CCDC39: variants seen among roughly 807,000 people sequenced by gnomAD.
The protein encoded by CCDC39 is coiled-coil domain 39 molecular ruler complex subunit.
In CCDC39, 113 loss-of-function variants were observed where a neutral mutation model predicts 121.0. That is an observed-to-expected ratio of 0.93 (90% CI 0.80 to 1.09). The LOEUF (loss-of-function observed/expected upper bound fraction) is 1.09, where lower values mean the gene tolerates loss of function less well. Among genes scored for constraint, CCDC39 ranks in the 50% least tolerant of loss-of-function variants. CCDC39 has a pLI of 0.00. For missense variants in CCDC39, 1,063 were observed against 1,074.7 expected, an observed-to-expected ratio of 0.99 and a Z score of 0.15; for synonymous variants, 349 against 352.2, an observed-to-expected ratio of 0.99 and a Z score of 0.10.
chr3:180,658,307 G>C (rs1177677952), intron 6 of CCDC39, among the ~76,000 whole-genome samples: 2 of 143,226 alleles, frequency 1.4e-5, no homozygotes, highest in Non-Finnish European at 3.0e-5. Context: ...AGAATTAAGA[G>C]AACCTCTGCC....
chr3:180,650,130 G>A (rs554022055), intron 9 of CCDC39, among the ~76,000 whole-genome samples: 19 of 152,222 alleles, frequency 1.2e-4, no homozygotes, highest in African/African-American at 4.1e-4. Flanking sequence ...GTAGAGTCAG[G>A]TCACACTTAT....
intron 7 of CCDC39, among the ~76,000 whole-genome samples, chr3:180,654,356 A>C (rs1256154228): frequency 6.6e-6 from 1 of 151,844 alleles, no homozygotes; most frequent in Non-Finnish European, 1.5e-5. Flanking sequence ...AAAACACAGG[A>C]GAAAAGCTCC....
chr3:180,615,553 T>C (rs1361614513), intron 19 of CCDC39, among the ~76,000 whole-genome samples: 1 of 152,114 alleles, frequency 6.6e-6, no homozygotes, highest in African/African-American at 2.4e-5. Context: ...TAAATATATA[T>C]TTTATGAAAG....
chr3:180,660,830 A>C (rs527653213), intron 3 of CCDC39, 102 bp from the exon 4 acceptor site: 2 of 982,276 alleles, frequency 2.0e-6, no homozygotes, highest in East Asian at 5.4e-5. Flanking sequence ...CAAAATTAAA[A>C]ATGAGGAAAT....
intron 12 of CCDC39, among the ~76,000 whole-genome samples, chr3:180,642,651 C>G (rs1717982961): frequency 6.6e-6 from 1 of 151,914 alleles, no homozygotes; most frequent in Non-Finnish European, 1.5e-5. Context: ...AAAAAACACT[C>G]CAGGATATAA....
chr3:180,673,517 T>A (rs1313157565), intron 1 of CCDC39, among the ~76,000 whole-genome samples: 1 of 152,180 alleles, frequency 6.6e-6, no homozygotes, highest in Non-Finnish European at 1.5e-5. Context: ...TCAATTAAGG[T>A]ATGCACACGT....
intron 9 of CCDC39, 70 bp downstream of exon 9, chr3:180,651,331 C>A: frequency 7.8e-7 from 1 of 1,284,918 alleles, no homozygotes; most frequent in Non-Finnish European, 1.1e-6. Context: ...TCCTCTGATC[C>A]TAGGAGTCTA....
intron 19 of CCDC39, 139 bp downstream of exon 19, chr3:180,616,142 T>G: frequency 4.4e-5 from 31 of 702,102 alleles, no homozygotes; most frequent in Non-Finnish European, 6.2e-5. Flanking sequence ...TGCTGACTAG[T>G]GAGATGTCTG....
At chr3:180,651,851 C>A (rs931419463) in intron 8 of CCDC39, among the ~76,000 whole-genome samples, 1 of 152,118 alleles carries the variant, frequency 6.6e-6, no homozygotes, top group Non-Finnish European at 1.5e-5. Flanking sequence ...TCCTGGCTAA[C>A]ACGGTGAAAC....
At chr3:180,643,340 A>T (rs555189768) in intron 12 of CCDC39, among the ~76,000 whole-genome samples, 31 of 152,174 alleles carry the variant, frequency 2.0e-4, no homozygotes, top group Non-Finnish European at 4.3e-4. Flanking sequence ...ATGGGCCAAG[A>T]ATACAAACTA....
At chr3:180,642,320 C>T (rs562750686) in intron 12 of CCDC39, 119 bp from the exon 13 acceptor site, 24 of 525,814 alleles carry the variant, frequency 4.6e-5, no homozygotes, top group African/African-American at 4.5e-4. Context: ...TAACCATTGA[C>T]TAAGATATTA....
intron 6 of CCDC39, 36 bp downstream of exon 6, chr3:180,659,416 C>T: frequency 6.2e-7 from 1 of 1,606,140 alleles, no homozygotes; most frequent in Non-Finnish European, 8.5e-7. Context: ...GAGACAAATG[C>T]AGCTGAACAT....
intron 12 of CCDC39, 96 bp downstream of exon 12, chr3:180,644,024 T>C: frequency 1.1e-6 from 1 of 883,228 alleles, no homozygotes; most frequent in Non-Finnish European, 1.7e-6. Context: ...TATAGTGACA[T>C]TTTCTTTTTC....
At chr3:180,677,199 T>TACAC (rs1309481509) in intron 1 of CCDC39, among the ~76,000 whole-genome samples, 5 of 102,908 alleles carry the variant, frequency 4.9e-5, no homozygotes, top group African/African-American at 2.0e-4. Flanking sequence ...TATATATATA[T>TACAC]ATATATATAT....
chr3:180,669,778 A>G (rs1298251478), intron 1 of CCDC39, among the ~76,000 whole-genome samples: 2 of 152,182 alleles, frequency 1.3e-5, no homozygotes, highest in African/African-American at 4.8e-5. Context: ...TTATCTACAC[A>G]AAATGCTTTT....
At chr3:180,651,633 G>T in intron 8 of CCDC39, 100 bp from the exon 9 acceptor site, 1 of 1,175,052 alleles carries the variant, frequency 8.5e-7, no homozygotes, top group Non-Finnish European at 1.1e-6. Flanking sequence ...ATAACTTGAA[G>T]GGGTTTTTTG....
chr3:180,620,099 G>T, intron 14 of CCDC39, 129 bp from the exon 15 acceptor site: 1 of 592,014 alleles, frequency 1.7e-6, no homozygotes. Context: ...CCTACATATG[G>T]CACCAAGCAT....
At chr3:180,676,223 G>A (rs1315955327) in intron 1 of CCDC39, among the ~76,000 whole-genome samples, 1 of 152,128 alleles carries the variant, frequency 6.6e-6, no homozygotes, top group Non-Finnish European at 1.5e-5. Context: ...CAGAATGGGA[G>A]AAAATTTTTG....
intron 1 of CCDC39, among the ~76,000 whole-genome samples, chr3:180,672,415 G>A (rs1712074665): frequency 6.6e-6 from 1 of 152,164 alleles, no homozygotes; most frequent in African/African-American, 2.4e-5. Flanking sequence ...CCAACATGGT[G>A]AAACTCCATC....
Sources: allele counts gnomAD v4.1 joint callset (sites outside exome capture counted in the v4.1 genomes callset), GRCh38; gene constraint gnomAD v4.1.1; transcripts MANE v1.5; gene names NCBI Gene and HGNC (gene_info 2026-07-23, HGNC 2026-07-21).